TAOK3: variants seen among roughly 807,000 people sequenced by gnomAD.
The protein encoded by TAOK3 is serine/threonine-protein kinase TAO3.
Under a neutral mutation model 120.4 loss-of-function variants are expected in TAOK3, and 40 were observed. That is an observed-to-expected ratio of 0.33 (90% CI 0.26 to 0.43). The LOEUF is 0.43. Ranked by LOEUF, TAOK3 falls within the 20% of genes least tolerant of loss-of-function variation. The probability of loss-of-function intolerance (pLI) is 1.00; values close to 1 mark genes in which losing one functional copy is unlikely to be tolerated. For synonymous variants in TAOK3, 355 were observed against 387.5 expected (o/e 0.92, Z 0.99); for missense variants, 821 against 1,112.1 (o/e 0.74, Z 3.72).
At chr12:118,271,815 C>T (rs1029105044) in intron 1 of TAOK3, among the ~76,000 whole-genome samples, 3 of 152,092 alleles carry the variant, frequency 2.0e-5, no homozygotes, top group Non-Finnish European at 4.4e-5. Flanking sequence ...AATCCTTTCC[C>T]CAAAAGATAA....
At chr12:118,261,891 C>T (rs1042794448) in intron 2 of TAOK3, among the ~76,000 whole-genome samples, 1 of 151,986 alleles carries the variant, frequency 6.6e-6, no homozygotes, top group African/African-American at 2.4e-5. Flanking sequence ...TCTTACTCTG[C>T]CCTCTGTCAC....
At chr12:118,258,371 A>G (rs572570543) in intron 2 of TAOK3, among the ~76,000 whole-genome samples, 2 of 152,292 alleles carry the variant, frequency 1.3e-5, no homozygotes, top group African/African-American at 4.8e-5. Context: ...TGGGAAAGTA[A>G]CTTAAATCCA....
chr12:118,368,300 G>A (rs867341137), intron 1 of TAOK3, among the ~76,000 whole-genome samples: 2 of 151,928 alleles, frequency 1.3e-5, no homozygotes, highest in East Asian at 3.9e-4. Context: ...GGATTCGAGC[G>A]ATTCTCCTGC....
chr12:118,232,368 C>G (rs1364089761), intron 9 of TAOK3, among the ~76,000 whole-genome samples: 5 of 152,180 alleles, frequency 3.3e-5, no homozygotes, highest in Admixed American at 1.3e-4. Context: ...AAGTTTTCTT[C>G]ACAGTTGTGC....
At chr12:118,254,046 C>A (rs953278760) in intron 3 of TAOK3, among the ~76,000 whole-genome samples, 1 of 152,220 alleles carries the variant, frequency 6.6e-6, no homozygotes, top group Non-Finnish European at 1.5e-5. Context: ...CAGAGCGAGG[C>A]TCTGTCTCAA....
intron 3 of TAOK3, among the ~76,000 whole-genome samples, chr12:118,247,417 T>C (rs2040562548): frequency 6.6e-6 from 1 of 152,166 alleles, no homozygotes; most frequent in Non-Finnish European, 1.5e-5. Flanking sequence ...TGAAAGTACA[T>C]ATGAAAACCA....
chr12:118,284,768 G>T (rs2042207343), intron 1 of TAOK3, among the ~76,000 whole-genome samples: 1 of 151,954 alleles, frequency 6.6e-6, no homozygotes, highest in African/African-American at 2.4e-5. Flanking sequence ...AAAAGAGAAG[G>T]TTAACAACAA....
At chr12:118,153,185 T>C (rs1365397298) in intron 19 of TAOK3, among the ~76,000 whole-genome samples, 1 of 152,156 alleles carries the variant, frequency 6.6e-6, no homozygotes, top group African/African-American at 2.4e-5. Context: ...GGTGTGAGGA[T>C]TGCTTGAGGC....
At chr12:118,283,984 T>C (rs924540230) in intron 1 of TAOK3, among the ~76,000 whole-genome samples, 7 of 152,172 alleles carry the variant, frequency 4.6e-5, no homozygotes, top group African/African-American at 1.4e-4. Flanking sequence ...CGTTTTCAAT[T>C]AGATTCAGGC....
In TAOK3 at chr12:118,150,894, G is replaced by T; in HGVS notation, c.*103C>A. 1.7e-6 allele frequency: 2 copies of T among 1,161,312 alleles called. No individual in the cohort carries two copies. The highest frequency in any genetic ancestry group is 1.6e-5 in the South Asian group (1 of 63,648). 71.9% of individuals were successfully genotyped at this position (1,161,312 alleles called of 1,614,324 possible). A position where few individuals can be genotyped will look rare whatever the true frequency, so the allele number is the denominator to read the frequency against. ...AGTAAGAGTAAGAGAGAGAGAGAGT[G>T]AGAGCAACGCCCGTTAAAATGGGGA... On this transcript the variant is annotated 3_prime_UTR_variant, in exon 21 of 21. Coordinates refer to ENST00000392533, the MANE Select transcript of TAOK3 (RefSeq NM_016281.4).
At chr12:118,231,837 C>T (rs2039797209) in intron 9 of TAOK3, among the ~76,000 whole-genome samples, 1 of 151,298 alleles carries the variant, frequency 6.6e-6, no homozygotes, top group Admixed American at 6.6e-5. Context: ...GCAGGAGAAT[C>T]GCTTGAACCC....
At chr12:118,343,097 T>G (rs999746963) in intron 1 of TAOK3, among the ~76,000 whole-genome samples, 1 of 151,794 alleles carries the variant, frequency 6.6e-6, no homozygotes, top group African/African-American at 2.4e-5. Flanking sequence ...AGCATTTCAT[T>G]GTGGAGTAAA....
rs2039992344 is a variant in TAOK3 at position 118,235,684 on chromosome 12, A to AT, written c.438-14_438-13insA. On this transcript the variant is annotated splice_polypyrimidine_tract_variant and intron_variant, in intron 7 of 20. Transcript: ENST00000392533. ...TGCTTTAATATCCCTATAGGAAAAAAAAAAAGGGTTAGAAAATTACTTTTC... is the reference window on the plus strand; with the variant it reads ...TGCTTTAATATCCCTATAGGAAAAAATAAAAAGGGTTAGAAAATTACTTTTC... The AT allele has an allele frequency of 6.4e-7, 1 of 1,556,556 alleles. No individual in the cohort carries two copies.
At chr12:118,156,274 C>T (rs1436180036) in intron 19 of TAOK3, among the ~76,000 whole-genome samples, 9 of 152,144 alleles carry the variant, frequency 5.9e-5, no homozygotes, top group Admixed American at 5.2e-4. Context: ...GGCCTGTTAC[C>T]TGACCTTCCA....
chr12:118,256,897 G>A (rs1253338662), intron 2 of TAOK3, among the ~76,000 whole-genome samples: 1 of 151,920 alleles, frequency 6.6e-6, no homozygotes, highest in Non-Finnish European at 1.5e-5. Context: ...GTGAGCAAAG[G>A]GTATAGAATG....
At chr12:118,267,662 G>C (rs762064416) in intron 1 of TAOK3, among the ~76,000 whole-genome samples, 1 of 150,776 alleles carries the variant, frequency 6.6e-6, no homozygotes, top group African/African-American at 2.4e-5. Flanking sequence ...CAAGGCAGGC[G>C]GATCACTAGG....
At position 118,206,205 on chromosome 12, in the gene TAOK3, C is replaced by T. The variant is rs574093111; in HGVS notation, c.820-4742G>A. Among the ~76,000 whole-genome samples, 26 of 152,314 alleles carry T rather than the reference C, an allele frequency of 1.7e-4. No homozygotes were observed. In the South Asian group the frequency reaches 2.3e-3, roughly 13 times the overall value. Reference sequence around the variant, plus strand: ...TGACAAAGACAATAAAAGCTACATGCTAAGGATGGTGAAGTAGAAAGAGAG... The same window carrying T: ...TGACAAAGACAATAAAAGCTACATGTTAAGGATGGTGAAGTAGAAAGAGAG... On this transcript the variant is annotated intron_variant, in intron 11 of 20. Coordinates refer to ENST00000392533, the MANE Select transcript of TAOK3 (RefSeq NM_016281.4).
In TAOK3 at chr12:118,269,408, A is replaced by ATTT; in HGVS notation, c.-193-2650_-193-2649insAAA. Among the ~76,000 whole-genome samples, 8 of 76,296 alleles carry ATTT rather than the reference A, an allele frequency of 1.0e-4. No individual in the cohort carries two copies. The South Asian group carries it at 3.2e-3, about 31-fold the overall frequency. 50.1% of individuals were successfully genotyped at this position (76,296 alleles called of 152,430 possible). A position where few individuals can be genotyped will look rare whatever the true frequency, so the allele number is the denominator to read the frequency against. On this transcript the variant is annotated intron_variant, in intron 1 of 20. Coordinates refer to ENST00000392533, the MANE Select transcript of TAOK3 (RefSeq NM_016281.4). Reference sequence around the variant, plus strand: ...CTTTTTTTTTTTTTTTTTTTTTTTGAGACTCAGGCTGGAGTGCAGTGATGC... The same window carrying ATTT: ...CTTTTTTTTTTTTTTTTTTTTTTTGATTTGACTCAGGCTGGAGTGCAGTGATGC...
At chr12:118,152,585 G>C in intron 19 of TAOK3, 176 bp from the exon 20 acceptor site, 3 of 592,760 alleles carry the variant, frequency 5.1e-6, no homozygotes, top group Non-Finnish European at 8.9e-6. Context: ...AGTCAAGTCT[G>C]CCCAATGGGC....
Sources: gnomAD v4.1 joint callset for allele counts (sites outside exome capture counted in the v4.1 genomes callset) on GRCh38, gnomAD v4.1.1 for gene constraint, MANE v1.5 for transcripts, NCBI Gene and HGNC (gene_info 2026-07-23, HGNC 2026-07-21) for gene names.